AIG1: variants seen among roughly 807,000 people sequenced by gnomAD.
AIG1 encodes androgen induced 1.
Under a neutral mutation model 31.4 loss-of-function variants are expected in AIG1, and 23 were observed. The ratio of observed to expected loss-of-function variants is 0.73; its 90% CI spans 0.53 to 1.04. The LOEUF is 1.04. Ranked by LOEUF, AIG1 falls within the 50% of genes least tolerant of loss-of-function variation. The probability of loss-of-function intolerance (pLI) is 0.00; values close to 1 mark genes in which losing one functional copy is unlikely to be tolerated. For synonymous variants in AIG1, 100 were observed against 110.5 expected, an observed-to-expected ratio of 0.90 and a Z score of 0.60; for missense variants, 274 against 295.0, an observed-to-expected ratio of 0.93 and a Z score of 0.52.
In AIG1 at chr6:143,291,962, G is replaced by A. The variant is rs750250662; in HGVS notation, c.515+7737G>A. Among the ~76,000 whole-genome samples the A allele has an allele frequency of 1.3e-5, 2 of 152,118 alleles. No individual in the cohort carries two copies. The highest frequency in any genetic ancestry group is 1.5e-5 in the Non-Finnish European group (1 of 68,020). Reference sequence around the variant, plus strand: ...GTGTTAAGAGTGGATTGAAGGCAAGGGTAGAACAAGGAGAAGAGAAGAGAA... The same window carrying A: ...GTGTTAAGAGTGGATTGAAGGCAAGAGTAGAACAAGGAGAAGAGAAGAGAA... On this transcript the variant is annotated intron_variant, in intron 4 of 5. Coordinates refer to ENST00000357847, the MANE Select transcript of AIG1 (RefSeq NM_016108.4). This position sits in a 1 kb window ranked among gnomAD's most constrained non-coding sequence, Gnocchi z 4.2.
At chr6:143,339,313 C>G (rs1777739450) in intron 5 of AIG1, 1 of 188,212 alleles carries the variant, frequency 5.3e-6, no homozygotes, top group South Asian at 1.5e-4. Context: ...AGCAGTCTAG[C>G]TGGGATTTCC....
chr6:143,313,650 AG>A lies in AIG1; in HGVS notation c.516-19629del, dbSNP rs199991186. On this transcript the variant is annotated intron_variant, in intron 4 of 5. Transcript: ENST00000357847. ...AGATCTAGTATTTGATATCAATAAA[AG>A]GGTAACTATAGTCAATAACATTTAA... 9.1e-3 allele frequency among the ~76,000 whole-genome samples: 1,385 copies of A among 152,230 alleles called. 15 individuals are homozygous for A. The highest frequency in any genetic ancestry group is 0.032 in the African/African-American group (1,335 of 41,540).
intron 3 of AIG1, among the ~76,000 whole-genome samples, chr6:143,223,217 G>C (rs776942119): frequency 4.6e-5 from 7 of 152,162 alleles, no homozygotes; most frequent in Non-Finnish European, 1.0e-4. Context: ...GCATCTACTG[G>C]CAACTGGTTA....
intron 3 of AIG1, among the ~76,000 whole-genome samples, chr6:143,226,520 AG>A (rs1256752920): frequency 1.3e-5 from 2 of 152,094 alleles, no homozygotes; most frequent in Non-Finnish European, 2.9e-5. Context: ...CTGGGATTAC[AG>A]ACCTGAGCCA....
intron 4 of AIG1, among the ~76,000 whole-genome samples, chr6:143,311,156 T>TACAGACA (rs1241676124): frequency 6.6e-6 from 1 of 151,846 alleles, no homozygotes; most frequent in Non-Finnish European, 1.5e-5. Context: ...AAAGAAAACT[T>TACAGACA]ACAGACACGT....
At chr6:143,182,032 C>A (rs1157577915) in intron 3 of AIG1, among the ~76,000 whole-genome samples, 1 of 146,366 alleles carries the variant, frequency 6.8e-6, no homozygotes, top group African/African-American at 2.5e-5. Context: ...TCTTTTTTTT[C>A]TTTTTAAAGA....
At position 143,217,217 on chromosome 6, in the gene AIG1, C is replaced by T. The variant is rs574300101; in HGVS notation, c.399+52034C>T. Among the ~76,000 whole-genome samples, 256 of 152,230 alleles carry T rather than the reference C, an allele frequency of 1.7e-3. 1 individual carries two copies. Among genetic ancestry groups the T allele is most frequent in the African/African-American group, 5.8e-3 (242 of 41,534 alleles). ...CAGACTCCATTTAATTTTGTGAGCCCCAGTCACCTTCCAATCACTGTGTTT... is the reference window on the plus strand; with the variant it reads ...CAGACTCCATTTAATTTTGTGAGCCTCAGTCACCTTCCAATCACTGTGTTT... On this transcript the variant is annotated intron_variant, in intron 3 of 5. Coordinates refer to ENST00000357847, the MANE Select transcript of AIG1 (RefSeq NM_016108.4).
chr6:143,188,924 A>T, intron 3 of AIG1: 1 of 984,692 alleles, frequency 1.0e-6, no homozygotes, highest in Non-Finnish European at 1.2e-6. Context: ...TTTTTTCTTA[A>T]AAGCTCAAGC....
chr6:143,128,077 A>T (rs1056790798), intron 1 of AIG1, among the ~76,000 whole-genome samples: 2 of 152,258 alleles, frequency 1.3e-5, no homozygotes, highest in Admixed American at 6.5e-5. Flanking sequence ...TTAGGAATAA[A>T]TGGTAGAAGT....
rs956981969 is a variant in AIG1, at chr6:143,279,901, A to G, written c.400-4209A>G. 2.0e-5 allele frequency among the ~76,000 whole-genome samples: 3 copies of G among 152,226 alleles called. No individual in the cohort carries two copies. Among genetic ancestry groups the G allele is most frequent in the Middle Eastern group, 3.4e-3 (1 of 294 alleles). On this transcript the variant is annotated intron_variant, in intron 3 of 5. Coordinates refer to ENST00000357847, the MANE Select transcript of AIG1 (RefSeq NM_016108.4). The surrounding 1 kb of genome is among the most constrained non-coding windows in gnomAD (Gnocchi z 5.4). ...ACTTTATATGGAAGACCAAAGGTTT[A>G]CTCCTTGGGCTGTCAACCTTCATTT...
In AIG1 at chr6:143,277,151, C is replaced by A. The variant is rs1378079637; in HGVS notation, c.400-6959C>A. On this transcript the variant is annotated intron_variant, in intron 3 of 5. Coordinates refer to ENST00000357847, the MANE Select transcript of AIG1 (RefSeq NM_016108.4). ...TAATGCAATGGGCTTTATTTCCAAACCTGGAAATTTCTTCTTGCTTTATTT... is the reference window on the plus strand; with the variant it reads ...TAATGCAATGGGCTTTATTTCCAAAACTGGAAATTTCTTCTTGCTTTATTT... Among the ~76,000 whole-genome samples, 6 of 152,104 alleles carry A rather than the reference C, an allele frequency of 3.9e-5. No homozygotes were observed. The East Asian group carries it at 1.2e-3, about 29-fold the overall frequency.
At chr6:143,096,067 C>T (rs531355670) in intron 1 of AIG1, among the ~76,000 whole-genome samples, 5 of 151,948 alleles carry the variant, frequency 3.3e-5, no homozygotes, top group South Asian at 2.1e-4. Context: ...CCACCATGCC[C>T]GGGTAATTTT....
intron 1 of AIG1, among the ~76,000 whole-genome samples, chr6:143,132,857 A>G (rs1269291552): frequency 6.6e-6 from 1 of 151,820 alleles, no homozygotes; most frequent in South Asian, 2.1e-4. Flanking sequence ...TATTATTTCC[A>G]TACAGTGACT....
chr6:143,126,085 A>G (rs990184334), intron 1 of AIG1, among the ~76,000 whole-genome samples: 1 of 152,226 alleles, frequency 6.6e-6, no homozygotes, highest in Non-Finnish European at 1.5e-5. Context: ...TGTCACTTAG[A>G]TGACAGATTT....
chr6:143,263,626 A>C (rs1328918817), intron 3 of AIG1, among the ~76,000 whole-genome samples: 1 of 152,238 alleles, frequency 6.6e-6, no homozygotes, highest in South Asian at 2.1e-4. Flanking sequence ...ATCGGTGTTA[A>C]CATTATGATG....
intron 3 of AIG1, among the ~76,000 whole-genome samples, chr6:143,282,368 A>G (rs537630871): frequency 1.7e-3 from 255 of 152,276 alleles, no homozygotes; most frequent in Non-Finnish European, 2.2e-3. Context: ...TGCTAGCTGT[A>G]TATTTGAATT....
rs1798693351 is a variant in AIG1 at position 143,299,676 on chromosome 6, A to G, written c.515+15451A>G. ...AACCACAGTATGATGCTGCACAGTC[A>G]TGTAATTTATGACACACAAAACTCT... On this transcript the variant is annotated intron_variant, in intron 4 of 5. Coordinates refer to ENST00000357847, the MANE Select transcript of AIG1 (RefSeq NM_016108.4). The surrounding 1 kb of genome is among the most constrained non-coding windows in gnomAD (Gnocchi z 4.1). The G allele has an allele frequency of 6.6e-6, 1 of 152,240 alleles. No individual in the cohort carries two copies. The highest frequency in any genetic ancestry group is 1.5e-5 in the Non-Finnish European group (1 of 68,058). 9.4% of individuals were successfully genotyped at this position (152,240 alleles called of 1,614,324 possible). A position where few individuals can be genotyped will look rare whatever the true frequency, so the allele number is the denominator to read the frequency against.
intron 4 of AIG1, among the ~76,000 whole-genome samples, chr6:143,313,193 C>CCCACTGCT (rs1775452690): frequency 6.6e-6 from 1 of 152,036 alleles, no homozygotes; most frequent in South Asian, 2.1e-4. Flanking sequence ...ATCCAGGAAT[C>CCCACTGCT]CCACTGCTAG....
intron 3 of AIG1, among the ~76,000 whole-genome samples, chr6:143,203,257 G>A (rs1325539053): frequency 2.0e-5 from 3 of 152,094 alleles, no homozygotes; most frequent in African/African-American, 7.2e-5. Flanking sequence ...ACAGTCCTGT[G>A]GCCAGGATTC....
Sources: gnomAD v4.1 joint callset for allele counts (sites outside exome capture counted in the v4.1 genomes callset) on GRCh38, gnomAD v4.1.1 for gene constraint, Gnocchi (gnomAD v3.1) non-coding constraint, MANE v1.5 for transcripts, NCBI Gene and HGNC (gene_info 2026-07-23, HGNC 2026-07-21) for gene names.